C13orf46: variants seen among roughly 807,000 people sequenced by gnomAD.
C13orf46 encodes the protein uncharacterized protein C13orf46.
chr13:113,944,375 G>A, the C13orf46 span, among the ~76,000 whole-genome samples: 1 of 152,230 alleles, frequency 6.6e-6, no homozygotes, highest in African/African-American at 2.4e-5. Context: ...CCAGGACCAG[G>A]TGCCAGGGCA....
intron 4 of C13orf46, among the ~76,000 whole-genome samples, chr13:113,967,774 C>G (rs1270449035): frequency 6.6e-6 from 1 of 152,198 alleles, no homozygotes; most frequent in Non-Finnish European, 1.5e-5. Context: ...CACCCCAGCC[C>G]TGCTCGACAA....
chr13:113,945,426 TC>T, the C13orf46 span, among the ~76,000 whole-genome samples: 1 of 151,740 alleles, frequency 6.6e-6, no homozygotes, highest in Non-Finnish European at 1.5e-5. Flanking sequence ...GCCCCTGCAG[TC>T]CCAGCTACTC....
chr13:113,927,481 T>A, the C13orf46 span: 2 of 398,732 alleles, frequency 5.0e-6, no homozygotes, highest in Non-Finnish European at 8.8e-6. Context: ...AGTCCTGGGC[T>A]ATCTCCTCCT....
chr13:113,965,691 G>A (rs2052629530), intron 5 of C13orf46, among the ~76,000 whole-genome samples: 1 of 151,930 alleles, frequency 6.6e-6, no homozygotes, highest in Admixed American at 6.6e-5. Flanking sequence ...TGATGATGAT[G>A]GTGACAATGG....
chr13:113,929,013 C>T, the C13orf46 span, among the ~76,000 whole-genome samples: 1 of 152,216 alleles, frequency 6.6e-6, no homozygotes, highest in African/African-American at 2.4e-5. Flanking sequence ...CCAATGGGCT[C>T]CAGTAGCCGG....
chr13:113,954,451 TCTC>T lies in C13orf46; in HGVS notation c.*2319_*2321del, dbSNP rs2052505107. ...CCCCCACACCCCTAGGAAGACTCCCTCTCCTCCTCTGAGTGGGGAGCATGTGGC... is the reference window on the plus strand; with the variant it reads ...CCCCCACACCCCTAGGAAGACTCCCTCTCCTCTGAGTGGGGAGCATGTGGC... On this transcript the variant is annotated 3_prime_UTR_variant, in exon 7 of 7. Transcript: ENST00000636427. 6.6e-6 allele frequency: 1 copy of T among 152,296 alleles called. No homozygotes were observed. The highest frequency in any genetic ancestry group is 2.4e-5 in the African/African-American group (1 of 41,444). 9.4% of individuals were successfully genotyped at this position (152,296 alleles called of 1,614,324 possible). A position where few individuals can be genotyped will look rare whatever the true frequency, so the allele number is the denominator to read the frequency against.
At chr13:113,966,812 C>CATG (rs1301818579) in intron 5 of C13orf46, among the ~76,000 whole-genome samples, 3 of 152,028 alleles carry the variant, frequency 2.0e-5, no homozygotes, top group African/African-American at 7.2e-5. Context: ...GATGATACCC[C>CATG]ATGATGATGA....
At chr13:113,939,597 G>A in the C13orf46 span, among the ~76,000 whole-genome samples, 1 of 152,224 alleles carries the variant, frequency 6.6e-6, no homozygotes, top group African/African-American at 2.4e-5. Flanking sequence ...ATAAGCAGCC[G>A]CCTCCTCCTG....
the C13orf46 span, among the ~76,000 whole-genome samples, chr13:113,934,931 C>T: frequency 1.1e-3 from 161 of 152,336 alleles, no homozygotes; most frequent in African/African-American, 1.7e-3. Flanking sequence ...TCCTTGCACC[C>T]GGAGTGAGGA....
downstream of C13orf46, among the ~76,000 whole-genome samples, chr13:113,952,728 C>T (rs1011897885): frequency 6.6e-6 from 1 of 152,206 alleles, no homozygotes; most frequent in African/African-American, 2.4e-5. Context: ...CCCTGGATGT[C>T]ACCACAGCTG....
chr13:113,928,635 A>T, the C13orf46 span: 1 of 152,776 alleles, frequency 6.5e-6, no homozygotes. Context: ...TCATCTGTAA[A>T]ATGGAAAAAG....
chr13:113,972,827 C>A (rs137947644), intron 1 of C13orf46, among the ~76,000 whole-genome samples: 1 of 152,194 alleles, frequency 6.6e-6, no homozygotes, highest in Non-Finnish European at 1.5e-5. Flanking sequence ...TCCCTTCAGG[C>A]ATCGGCTGGC....
At chr13:113,939,104 T>C in the C13orf46 span, among the ~76,000 whole-genome samples, 1 of 152,138 alleles carries the variant, frequency 6.6e-6, no homozygotes, top group South Asian at 2.1e-4. Flanking sequence ...GTCGGACTCA[T>C]CTCTGTGGCC....
the C13orf46 span, chr13:113,926,603 G>A: frequency 6.6e-6 from 1 of 152,244 alleles, no homozygotes; most frequent in South Asian, 2.1e-4. Context: ...TCCAGAGGAT[G>A]GGGAAGGAAT....
the C13orf46 span, among the ~76,000 whole-genome samples, chr13:113,931,971 T>C: frequency 3.9e-5 from 6 of 152,008 alleles, no homozygotes; most frequent in African/African-American, 1.4e-4. Context: ...CCTGCTCCTC[T>C]GATGACACTG....
downstream of C13orf46, among the ~76,000 whole-genome samples, chr13:113,951,482 C>T (rs1207885534): frequency 6.6e-6 from 1 of 152,206 alleles, no homozygotes; most frequent in Non-Finnish European, 1.5e-5. Context: ...CCCCCGCCGC[C>T]ACCAACAGCA....
chr13:113,946,698 C>T, the C13orf46 span, among the ~76,000 whole-genome samples: 6 of 152,356 alleles, frequency 3.9e-5, no homozygotes, highest in Middle Eastern at 3.4e-3. Flanking sequence ...CGTCAGGCCA[C>T]GCTGGCTGTT....
downstream of C13orf46, among the ~76,000 whole-genome samples, chr13:113,953,018 G>A (rs1458116439): frequency 7.2e-5 from 11 of 152,324 alleles, no homozygotes; most frequent in East Asian, 5.8e-4. Flanking sequence ...GCCCAGCCTC[G>A]TCCCCTCCAC....
intron 6 of C13orf46, among the ~76,000 whole-genome samples, chr13:113,958,807 C>T (rs2052563605): frequency 6.6e-6 from 1 of 152,204 alleles, no homozygotes; most frequent in South Asian, 2.1e-4. Flanking sequence ...CACCTTGACC[C>T]CAGCACAGGC....
Sources: allele counts gnomAD v4.1 joint callset (sites outside exome capture counted in the v4.1 genomes callset), GRCh38; gene constraint gnomAD v4.1.1; transcripts MANE v1.5; gene names NCBI Gene and HGNC (gene_info 2026-07-23, HGNC 2026-07-21).